The following NHSL1 variants were observed in gnomAD, a reference collection of about 807,000 sequenced individuals.
The protein encoded by NHSL1 is NHS-like protein 1.
A neutral mutation model predicts 95.0 loss-of-function variants in NHSL1; 48 were observed. That is an observed-to-expected ratio of 0.51 (90% CI 0.40 to 0.64). NHSL1 has a LOEUF of 0.64. Among genes scored for constraint, NHSL1 ranks in the 30% least tolerant of loss-of-function variants. The probability of loss-of-function intolerance (pLI) is 0.00; values close to 1 mark genes in which losing one functional copy is unlikely to be tolerated. For synonymous variants in NHSL1, 783 were observed against 833.9 expected (o/e 0.94, Z 1.05); for missense variants, 1,971 against 2,077.7 (o/e 0.95, Z 1.00).
At chr6:138,540,795 G>A (rs1003681240) in intron 1 of NHSL1, among the ~76,000 whole-genome samples, 7 of 152,094 alleles carry the variant, frequency 4.6e-5, no homozygotes, top group African/African-American at 7.2e-5. Flanking sequence ...GGACCCTATC[G>A]TTCGGGGCAT....
At chr6:138,556,036 A>G (rs1240212617) in intron 1 of NHSL1, among the ~76,000 whole-genome samples, 2 of 152,132 alleles carry the variant, frequency 1.3e-5, no homozygotes, top group Non-Finnish European at 2.9e-5. Flanking sequence ...TTGTTAAGCT[A>G]ACTCTACTTG....
At chr6:138,489,629 T>C (rs961953150) in intron 2 of NHSL1, among the ~76,000 whole-genome samples, 1 of 150,798 alleles carries the variant, frequency 6.6e-6, no homozygotes, top group Non-Finnish European at 1.5e-5. Flanking sequence ...GGGCACGGTG[T>C]TGTGTGCCTG....
At chr6:138,648,964 T>C (rs1367016445) in intron 1 of NHSL1, among the ~76,000 whole-genome samples, 1 of 152,212 alleles carries the variant, frequency 6.6e-6, no homozygotes, top group Non-Finnish European at 1.5e-5. Flanking sequence ...GTCCTTCATA[T>C]ACCTTTTTAA....
At chr6:138,675,598 G>A (rs1258706065) in intron 1 of NHSL1, among the ~76,000 whole-genome samples, 1 of 152,028 alleles carries the variant, frequency 6.6e-6, no homozygotes, top group Non-Finnish European at 1.5e-5. Flanking sequence ...GCAGTGGTGT[G>A]ATCTCAGCTC....
At chr6:138,539,541 C>G (rs954730431) in intron 1 of NHSL1, among the ~76,000 whole-genome samples, 2 of 152,102 alleles carry the variant, frequency 1.3e-5, no homozygotes, top group African/African-American at 4.8e-5. Flanking sequence ...TACTGCTCCC[C>G]CAATGAGCCA....
intron 1 of NHSL1, among the ~76,000 whole-genome samples, chr6:138,644,490 G>A (rs988952537): frequency 1.1e-4 from 16 of 152,142 alleles, no homozygotes; most frequent in Admixed American, 9.8e-4. Context: ...GCAACAGAGC[G>A]AGATTCCATC....
intron 3 of NHSL1, among the ~76,000 whole-genome samples, chr6:138,458,007 GAAAA>G (rs554103437): frequency 1.0e-5 from 1 of 96,750 alleles, no homozygotes; most frequent in Admixed American, 1.1e-4. Flanking sequence ...AACTCCAACT[GAAAA>G]AAAAAAAAAA....
At chr6:138,457,323 C>G (rs1777678647) in intron 3 of NHSL1, among the ~76,000 whole-genome samples, 1 of 152,208 alleles carries the variant, frequency 6.6e-6, no homozygotes, top group Non-Finnish European at 1.5e-5. Flanking sequence ...CCACTTTGAA[C>G]ATCAAAGATA....
intron 1 of NHSL1, among the ~76,000 whole-genome samples, chr6:138,553,245 G>T (rs1783076801): frequency 6.6e-6 from 1 of 152,062 alleles, no homozygotes; most frequent in South Asian, 2.1e-4. Flanking sequence ...TATTCCATAG[G>T]GTCTTGTACC....
chr6:138,639,139 TA>T (rs1436881447), intron 1 of NHSL1, among the ~76,000 whole-genome samples: 1 of 152,246 alleles, frequency 6.6e-6, no homozygotes, highest in Non-Finnish European at 1.5e-5. Context: ...AGGAATGTAT[TA>T]TTTTTTTAAG....
chr6:138,615,403 T>C (rs1169809773), intron 1 of NHSL1, among the ~76,000 whole-genome samples: 4 of 152,256 alleles, frequency 2.6e-5, no homozygotes, highest in Non-Finnish European at 5.9e-5. Context: ...AGGTTATCTA[T>C]GAATGGAGAC....
intron 1 of NHSL1, among the ~76,000 whole-genome samples, chr6:138,550,713 G>A (rs1782970333): frequency 6.6e-6 from 1 of 152,170 alleles, no homozygotes; most frequent in African/African-American, 2.4e-5. Context: ...TAAAATAGTG[G>A]GGATGAGAAT....
upstream of NHSL1, chr6:138,499,522 T>A (rs1001722049): frequency 1.1e-6 from 1 of 921,930 alleles, no homozygotes; most frequent in Non-Finnish European, 1.4e-6. Flanking sequence ...ACCTAATCTT[T>A]AAGGCTGAGA....
Position 138,608,891 on chromosome 6 carries a change from G to A in NHSL1, c.96+83585C>T, listed in dbSNP as rs57525245. Among the ~76,000 whole-genome samples, 29 of 152,268 alleles carry A rather than the reference G, an allele frequency of 1.9e-4. 1 individual carries two copies. In the East Asian group the frequency reaches 5.4e-3, roughly 28 times the overall value. The stretch of plus-strand genomic sequence containing the variant: ...CACAGGAAAGACATTTACACGACAG[G>A]AACATTTCATTCAACCCCACTGTCT... On this transcript the variant is annotated intron_variant, in intron 1 of 3. Transcript: ENST00000491526.
intron 1 of NHSL1, among the ~76,000 whole-genome samples, chr6:138,682,223 T>A (rs899073525): frequency 6.6e-6 from 1 of 152,140 alleles, no homozygotes; most frequent in Non-Finnish European, 1.5e-5. Context: ...AAATGTCTTA[T>A]GAAACCAATC....
At chr6:138,657,646 T>C (rs936144344) in intron 1 of NHSL1, among the ~76,000 whole-genome samples, 2 of 151,568 alleles carry the variant, frequency 1.3e-5, no homozygotes, top group African/African-American at 2.4e-5. Flanking sequence ...ACCCCGTCTC[T>C]ACTAAAAATA....
At chr6:138,596,723 T>C (rs1562386814) in intron 1 of NHSL1, among the ~76,000 whole-genome samples, 1 of 152,032 alleles carries the variant, frequency 6.6e-6, no homozygotes, top group Non-Finnish European at 1.5e-5. Context: ...GCTTGGTAAG[T>C]TTTTTAAGTT....
chr6:138,562,513 C>A (rs960011554), intron 1 of NHSL1, among the ~76,000 whole-genome samples: 8 of 151,982 alleles, frequency 5.3e-5, no homozygotes, highest in African/African-American at 1.9e-4. Flanking sequence ...ACAACAAAAA[C>A]TAGCCAGGCG....
Position 138,623,091 on chromosome 6 carries a change from A to T in NHSL1, c.96+69385T>A, listed in dbSNP as rs569206539. The stretch of plus-strand genomic sequence containing the variant: ...GCAGCAAGTGATGAAGTCACCAAGG[A>T]TGTTGAGCAGGTGTGCAATTTGGAT... On this transcript the variant is annotated intron_variant, in intron 1 of 3. Coordinates refer to the NHSL1 transcript ENST00000491526. Among the ~76,000 whole-genome samples, 5 of 152,334 alleles carry T rather than the reference A, an allele frequency of 3.3e-5. No individual in the cohort carries two copies. In the South Asian group the frequency reaches 6.2e-4, roughly 19 times the overall value.
Sources: allele counts gnomAD v4.1 joint callset (sites outside exome capture counted in the v4.1 genomes callset), GRCh38; gene constraint gnomAD v4.1.1; transcripts MANE v1.5; gene names NCBI Gene and HGNC (gene_info 2026-07-23, HGNC 2026-07-21).